CASK: variants seen among roughly 807,000 people sequenced by gnomAD.
CASK encodes calcium/calmodulin dependent serine protein kinase.
In CASK, 4 loss-of-function variants were observed where a neutral mutation model predicts 82.9. That is an observed-to-expected ratio of 0.05 (90% CI 0.02 to 0.11). CASK has a LOEUF of 0.11. Among genes scored for constraint, CASK ranks in the 10% least tolerant of loss-of-function variants. CASK has a pLI of 1.00. For missense variants in CASK, 358 were observed against 720.9 expected (o/e 0.50, Z 5.76); for synonymous variants, 259 against 253.5 (o/e 1.02, Z -0.20).
At chrX:41,597,304 T>C (rs1406893796) in intron 12 of CASK, among the ~76,000 whole-genome samples, 4 of 112,630 alleles carry the variant, frequency 3.6e-5, no homozygotes, top group Non-Finnish European at 5.6e-5. Context: ...AACTATACTG[T>C]AGGCATAGGC....
At chrX:41,854,493 C>A (rs904531098) in intron 1 of CASK, among the ~76,000 whole-genome samples, 1 of 112,286 alleles carries the variant, frequency 8.9e-6, no homozygotes, top group Non-Finnish European at 1.9e-5. Flanking sequence ...AACAAAAAAA[C>A]CACCTTCATT....
At chrX:41,918,771 TGAAA>T (rs1277657041) in intron 1 of CASK, among the ~76,000 whole-genome samples, 1 of 112,721 alleles carries the variant, frequency 8.9e-6, no homozygotes, top group African/African-American at 3.2e-5. Flanking sequence ...TGTAAGCCTC[TGAAA>T]AGCCAGTCCC....
At chrX:41,621,599 C>G (rs2066289380) in intron 11 of CASK, among the ~76,000 whole-genome samples, 1 of 111,635 alleles carries the variant, frequency 9.0e-6, no homozygotes. Flanking sequence ...GATCTTGAGC[C>G]AGAGGCACAC....
rs751182074 is a variant in CASK, at chrX:41,586,946, T to C, written c.1275A>G (p.Ala425=). Residue 425 remains alanine, a synonymous_variant, in exon 14 of 27, where the codon GCA becomes GCG. Coordinates refer to ENST00000378163, the MANE Select transcript of CASK (RefSeq NM_001367721.1). Reference sequence around the variant, plus strand: ...GTGTTAAAATACGCTTTAGTTCCTTTGCGTCGTTATTCTCAGGGTAACATG... The same window carrying C: ...GTGTTAAAATACGCTTTAGTTCCTTCGCGTCGTTATTCTCAGGGTAACATG... ...EISCYPENND[A]KELKRILTQP... is the part of the protein sequence containing the mutation. The C allele has an allele frequency of 2.5e-5, 30 of 1,182,641 alleles. No homozygotes were observed. In the East Asian group the frequency reaches 8.9e-4, roughly 35 times the overall value.
intron 5 of CASK, among the ~76,000 whole-genome samples, chrX:41,682,528 G>A (rs1348518718): frequency 2.8e-4 from 4 of 14,316 alleles, no homozygotes; most frequent in Admixed American, 1.4e-3. Context: ...GACTGTCTCA[G>A]GAAAAAAAAA....
At chrX:41,549,676 T>A (rs1255046583) in intron 21 of CASK, among the ~76,000 whole-genome samples, 1 of 104,193 alleles carries the variant, frequency 9.6e-6, no homozygotes, top group Non-Finnish European at 2.0e-5. Flanking sequence ...CTCATCTCTA[T>A]CGAAAATTTA....
intron 1 of CASK, among the ~76,000 whole-genome samples, chrX:41,889,588 AAACAAT>A (rs1170775953): frequency 8.9e-6 from 1 of 111,910 alleles, no homozygotes; most frequent in African/African-American, 3.3e-5. Context: ...TATCAACACC[AAACAAT>A]ATTTTGAAAG....
chrX:41,796,198 T>C (rs1292194027), intron 2 of CASK, among the ~76,000 whole-genome samples: 1 of 112,906 alleles, frequency 8.9e-6, no homozygotes, highest in Non-Finnish European at 1.9e-5. Context: ...CTGTCTTTCC[T>C]GTCTTCATCA....
rs1243879237 is a variant in CASK, at chrX:41,639,270, C to T, written c.832-2609G>A. Among the ~76,000 whole-genome samples, 5 of 109,132 alleles carry T rather than the reference C, an allele frequency of 4.6e-5. No homozygotes were observed. The Admixed American group carries it at 5.0e-4, about 11-fold the overall frequency. The allele number at this position is 109,132 out of a possible 115,157, so 94.8% of individuals were successfully genotyped here. On this transcript the variant is annotated intron_variant, in intron 8 of 26. Coordinates refer to ENST00000378163, the MANE Select transcript of CASK (RefSeq NM_001367721.1). ...TGTATTTTTAGTAGAGACGGGGTTT[C>T]ACCATGTTGGGCAGGATGGTCTTGA... is the stretch of plus-strand genomic sequence containing the variant.
intron 3 of CASK, among the ~76,000 whole-genome samples, chrX:41,756,737 T>C (rs2068903996): frequency 8.9e-6 from 1 of 112,265 alleles, no homozygotes; most frequent in African/African-American, 3.2e-5. Context: ...TATGACTACC[T>C]CCCCTATTTT....
rs1037134206 is a variant in CASK, at chrX:41,616,815, G to C, written c.1033+5802C>G. Among the ~76,000 whole-genome samples the C allele has an allele frequency of 6.3e-5, 7 of 111,447 alleles. No individual in the cohort carries two copies. In the Admixed American group the frequency reaches 6.7e-4, roughly 11 times the overall value. ...GTAGAGACGGGGTTTCACCATGTTGGCCAGGCTGGTCTTGAACTCCTGACC... is the reference window on the plus strand; with the variant it reads ...GTAGAGACGGGGTTTCACCATGTTGCCCAGGCTGGTCTTGAACTCCTGACC... On this transcript the variant is annotated intron_variant, in intron 11 of 26. Coordinates refer to ENST00000378163, the MANE Select transcript of CASK (RefSeq NM_001367721.1).
At chrX:41,535,689 A>C (rs1363714955) in intron 22 of CASK, among the ~76,000 whole-genome samples, 1 of 111,997 alleles carries the variant, frequency 8.9e-6, no homozygotes, top group African/African-American at 3.2e-5. Flanking sequence ...TGTATGGTGG[A>C]TCAGGATGGA....
At chrX:41,544,916 T>C (rs1399708401) in intron 21 of CASK, among the ~76,000 whole-genome samples, 2 of 111,065 alleles carry the variant, frequency 1.8e-5, no homozygotes, top group Non-Finnish European at 3.8e-5. Flanking sequence ...AAAAAATAAA[T>C]AAAAATAAAA....
At chrX:41,655,208 G>A (rs13440974) in intron 8 of CASK, among the ~76,000 whole-genome samples, 2,672 of 110,979 alleles carry the variant, frequency 0.024, 84 homozygotes, top group African/African-American at 0.083. Context: ...AATTGGACAC[G>A]CTAACTAGGC....
chrX:41,582,928 C>T (rs1447287759), intron 14 of CASK, among the ~76,000 whole-genome samples: 1 of 111,671 alleles, frequency 9.0e-6, no homozygotes, highest in Non-Finnish European at 1.9e-5. Flanking sequence ...TGTTAGCTTA[C>T]TTGCTCATTG....
At chrX:41,727,491 A>C (rs1474235546) in intron 5 of CASK, 1 of 1,208,981 alleles carries the variant, frequency 8.3e-7, no homozygotes, top group Non-Finnish European at 1.1e-6. Flanking sequence ...CTAGAAAACT[A>C]TGCATTTACA....
chrX:41,601,774 G>A (rs1037476107), intron 12 of CASK, among the ~76,000 whole-genome samples: 8 of 111,458 alleles, frequency 7.2e-5, no homozygotes, highest in African/African-American at 2.6e-4. Context: ...ATAGTTTTAA[G>A]CTCTTAAAGT....
chrX:41,578,630 C>A (rs983936737), intron 14 of CASK, 102 bp from the exon 15 acceptor site: 2 of 621,596 alleles, frequency 3.2e-6, no homozygotes, highest in Non-Finnish European at 5.0e-6. Context: ...ACTCTGTCAC[C>A]CAGGGTGCAG....
chrX:41,737,192 T>C (rs2068513291), intron 5 of CASK, among the ~76,000 whole-genome samples: 1 of 111,456 alleles, frequency 9.0e-6, no homozygotes, highest in African/African-American at 3.3e-5. Context: ...GAGAGAGACG[T>C]TTTGAATGAG....
Sources: allele counts gnomAD v4.1 joint callset (sites outside exome capture counted in the v4.1 genomes callset), GRCh38; gene constraint gnomAD v4.1.1; transcripts MANE v1.5; gene names NCBI Gene and HGNC (gene_info 2026-07-23, HGNC 2026-07-21).